ARMC8: variants seen among roughly 807,000 people sequenced by gnomAD.
The protein encoded by ARMC8 is armadillo repeat-containing protein 8.
ARMC8 carries 20 observed loss-of-function variants against 99.3 expected under a neutral mutation model. The ratio of observed to expected loss-of-function variants is 0.20; its 90% CI spans 0.14 to 0.29. The LOEUF (loss-of-function observed/expected upper bound fraction) is 0.29, where lower values mean the gene tolerates loss of function less well. Ranked by LOEUF, ARMC8 falls within the 10% of genes least tolerant of loss-of-function variation. The probability of loss-of-function intolerance (pLI) is 1.00; values close to 1 mark genes in which losing one functional copy is unlikely to be tolerated. For missense variants in ARMC8, 569 were observed against 809.5 expected (o/e 0.70, Z 3.60); for synonymous variants, 263 against 278.3 (o/e 0.95, Z 0.55).
chr3:138,229,140 A>G (rs536574253), intron 6 of ARMC8, 130 bp downstream of exon 6: 13 of 42,256 alleles, frequency 3.1e-4, no homozygotes, highest in South Asian at 8.4e-4. Flanking sequence ...GCGTGTATAT[A>G]TATATATATA....
chr3:138,245,461 A>G (rs2046839170), intron 12 of ARMC8: 3 of 1,344,782 alleles, frequency 2.2e-6, no homozygotes, highest in African/African-American at 1.5e-5. Context: ...ACATTTTTGC[A>G]TGTGTTCTGA....
At chr3:138,192,100 A>G (rs987068190) in intron 1 of ARMC8, among the ~76,000 whole-genome samples, 6 of 152,124 alleles carry the variant, frequency 3.9e-5, no homozygotes, top group Admixed American at 2.0e-4. Flanking sequence ...ACTATTTTAC[A>G]TTTCTACCAG....
intron 12 of ARMC8, among the ~76,000 whole-genome samples, chr3:138,248,987 C>T (rs1252195701): frequency 2.6e-5 from 4 of 152,104 alleles, no homozygotes; most frequent in Non-Finnish European, 5.9e-5. Flanking sequence ...AGATTTCTTT[C>T]GAGGAACTAG....
intron 6 of ARMC8, among the ~76,000 whole-genome samples, chr3:138,232,652 A>G (rs961462754): frequency 6.6e-6 from 1 of 152,166 alleles, no homozygotes; most frequent in Non-Finnish European, 1.5e-5. Context: ...TAAATGAGAA[A>G]ACTCTTTTTG....
chr3:138,254,371 A>C (rs1315073170), intron 12 of ARMC8, among the ~76,000 whole-genome samples: 1 of 152,216 alleles, frequency 6.6e-6, no homozygotes, highest in Non-Finnish European at 1.5e-5. Flanking sequence ...CTGAAAATTT[A>C]GCCAGCTAAC....
intron 12 of ARMC8, among the ~76,000 whole-genome samples, chr3:138,253,710 A>G (rs2108223210): frequency 6.6e-6 from 1 of 152,338 alleles, no homozygotes; most frequent in Admixed American, 6.5e-5. Context: ...CTGTACACTC[A>G]TCATGTAACA....
intron 13 of ARMC8, 27 bp from the exon 14 acceptor site, chr3:138,264,104 G>A (rs1298861744): frequency 2.9e-5 from 46 of 1,597,154 alleles, no homozygotes; most frequent in Non-Finnish European, 3.5e-5. Context: ...GATTTCTTGT[G>A]AAGCTAATTT....
intron 12 of ARMC8, chr3:138,262,553 G>A (rs775022230): frequency 6.2e-7 from 1 of 1,611,866 alleles, no homozygotes. Context: ...GTCTAGGTCA[G>A]TGATCTTCAA....
chr3:138,192,682 C>G (rs1434221950), intron 1 of ARMC8, among the ~76,000 whole-genome samples: 2 of 152,154 alleles, frequency 1.3e-5, no homozygotes, highest in East Asian at 3.9e-4. Context: ...TTCCAAGTAG[C>G]TGGGACTACA....
In ARMC8 at chr3:138,231,782, G is replaced by T. The variant is rs542137433; in HGVS notation, c.528+2772G>T. Reference sequence around the variant, plus strand: ...AACGTAGTGAGACCCCCCATCTCTGGGGGGGGAAAAAAAAAAGACCATGAG... The same window carrying T: ...AACGTAGTGAGACCCCCCATCTCTGTGGGGGGAAAAAAAAAAGACCATGAG... On this transcript the variant is annotated intron_variant, in intron 6 of 21. Coordinates refer to ENST00000469044, the MANE Select transcript of ARMC8 (RefSeq NM_001363941.2). Among the ~76,000 whole-genome samples, 17 of 148,690 alleles carry T rather than the reference G, an allele frequency of 1.1e-4. No homozygotes were observed. The East Asian group carries it at 3.2e-3, about 28-fold the overall frequency.
At chr3:138,265,239 C>T (rs2048166242) in intron 14 of ARMC8, among the ~76,000 whole-genome samples, 1 of 152,184 alleles carries the variant, frequency 6.6e-6, no homozygotes, top group South Asian at 2.1e-4. Flanking sequence ...GTTAGGTCTT[C>T]TCTTCAGGCC....
At chr3:138,262,400 G>T in intron 12 of ARMC8, 1 of 960,958 alleles carries the variant, frequency 1.0e-6, no homozygotes, top group Non-Finnish European at 1.5e-6. Flanking sequence ...CTAAAATGTG[G>T]TTCCCTGTTC....
rs148450946 is a variant in ARMC8 at position 138,200,761 on chromosome 3, T to C, written c.46-9056T>C. ...CCCTCCAGTGTGTGACAGTGTATAG[T>C]ATAAGCACTTGGAAACAAAATATGC... On this transcript the variant is annotated intron_variant, in intron 1 of 21. Coordinates refer to ENST00000469044, the MANE Select transcript of ARMC8 (RefSeq NM_001363941.2). Among the ~76,000 whole-genome samples the C allele has an allele frequency of 1.9e-3, 293 of 152,280 alleles. 2 individuals are homozygous for C. The highest frequency in any genetic ancestry group is 2.8e-3 in the Non-Finnish European group (189 of 68,014).
chr3:138,228,087 C>G (rs1442894474), intron 5 of ARMC8, among the ~76,000 whole-genome samples: 1 of 152,202 alleles, frequency 6.6e-6, no homozygotes, highest in Non-Finnish European at 1.5e-5. Context: ...TCAAGTGATT[C>G]TTGTGTCTCA....
At chr3:138,209,459 C>T (rs2044573710) in intron 1 of ARMC8, among the ~76,000 whole-genome samples, 1 of 152,116 alleles carries the variant, frequency 6.6e-6, no homozygotes, top group African/African-American at 2.4e-5. Flanking sequence ...TCTGAATGAA[C>T]AAAGTGATGT....
At chr3:138,230,182 A>G (rs1450399442) in intron 6 of ARMC8, among the ~76,000 whole-genome samples, 1 of 152,234 alleles carries the variant, frequency 6.6e-6, no homozygotes, top group Non-Finnish European at 1.5e-5. Context: ...ACAATGCCTT[A>G]TAATCTTTTG....
chr3:138,236,931 T>A (rs1268453370), intron 7 of ARMC8, among the ~76,000 whole-genome samples: 1 of 152,214 alleles, frequency 6.6e-6, no homozygotes, highest in Non-Finnish European at 1.5e-5. Flanking sequence ...CTGTTCCCTG[T>A]CTCCAATCCA....
chr3:138,281,724 A>G (rs962330470), intron 18 of ARMC8, among the ~76,000 whole-genome samples: 3 of 152,088 alleles, frequency 2.0e-5, no homozygotes, highest in Admixed American at 2.0e-4. Flanking sequence ...GTATTCTAAC[A>G]CTACAAAAAG....
intron 1 of ARMC8, among the ~76,000 whole-genome samples, chr3:138,208,648 C>A (rs187641726): frequency 6.6e-6 from 1 of 152,008 alleles, no homozygotes; most frequent in African/African-American, 2.4e-5. Context: ...TTTCTTCCTC[C>A]CTATAAGAAC....
Sources: allele counts gnomAD v4.1 joint callset (sites outside exome capture counted in the v4.1 genomes callset), GRCh38; gene constraint gnomAD v4.1.1; transcripts MANE v1.5; gene names NCBI Gene and HGNC (gene_info 2026-07-23, HGNC 2026-07-21).